Variants in ADAMTS19 observed in about 807,000 individuals in gnomAD.
ADAMTS19 encodes the protein A disintegrin and metalloproteinase with thrombospondin motifs 19.
ADAMTS19 carries 93 observed loss-of-function variants against 153.3 expected under a neutral mutation model. The observed-to-expected ratio is 0.61, with a 90% CI of 0.51 to 0.72. ADAMTS19 has a LOEUF of 0.72. Among genes scored for constraint, ADAMTS19 ranks in the 30% least tolerant of loss-of-function variants. The probability of loss-of-function intolerance (pLI) is 0.00; values close to 1 mark genes in which losing one functional copy is unlikely to be tolerated. For synonymous variants in ADAMTS19, 600 were observed against 556.6 expected, an observed-to-expected ratio of 1.08 and a Z score of -1.10; for missense variants, 1,482 against 1,552.1, an observed-to-expected ratio of 0.95 and a Z score of 0.76.
At chr5:129,503,934 C>A (rs1166278501) in intron 2 of ADAMTS19, among the ~76,000 whole-genome samples, 3 of 152,142 alleles carry the variant, frequency 2.0e-5, no homozygotes, top group Admixed American at 2.0e-4. Context: ...TAAGCAACTT[C>A]TCTTACCACT....
intron 11 of ADAMTS19, among the ~76,000 whole-genome samples, chr5:129,647,500 T>C (rs73785243): frequency 0.038 from 5,779 of 152,208 alleles, 341 homozygotes; most frequent in African/African-American, 0.13. Context: ...CTTTACCCTG[T>C]CTCCATCACA....
intron 3 of ADAMTS19, among the ~76,000 whole-genome samples, chr5:129,520,566 A>G (rs1347983615): frequency 6.6e-6 from 1 of 152,048 alleles, no homozygotes; most frequent in Non-Finnish European, 1.5e-5. Flanking sequence ...TTGAGGAAGA[A>G]TTTGTTTCCA....
intron 7 of ADAMTS19, among the ~76,000 whole-genome samples, chr5:129,562,740 A>G (rs893817603): frequency 1.3e-5 from 2 of 152,148 alleles, no homozygotes; most frequent in African/African-American, 4.8e-5. Flanking sequence ...TGCTGATTGA[A>G]TAAGTTTCCT....
chr5:129,608,626 T>C (rs1291320567), intron 8 of ADAMTS19, among the ~76,000 whole-genome samples: 2 of 152,020 alleles, frequency 1.3e-5, no homozygotes, highest in African/African-American at 4.8e-5. Flanking sequence ...AAGAACTAAA[T>C]AGAGACCAGT....
chr5:129,619,212 G>A (rs79101555), intron 8 of ADAMTS19, among the ~76,000 whole-genome samples: 1 of 152,038 alleles, frequency 6.6e-6, no homozygotes, highest in South Asian at 2.1e-4. Context: ...ATTTATAGAC[G>A]CCCAATGTGG....
intron 19 of ADAMTS19, among the ~76,000 whole-genome samples, chr5:129,699,697 C>T (rs1488711551): frequency 2.0e-5 from 3 of 151,960 alleles, no homozygotes; most frequent in Non-Finnish European, 4.4e-5. Context: ...GAGGAATGGG[C>T]GTGGGGCTGG....
At chr5:129,551,965 T>C (rs1753138380) in intron 7 of ADAMTS19, 58 bp downstream of exon 7, 1 of 1,121,202 alleles carries the variant, frequency 8.9e-7, no homozygotes, top group East Asian at 2.7e-5. Flanking sequence ...ATATCACTTG[T>C]TTAAGTATAG....
At chr5:129,578,528 G>T (rs1339914503) in intron 7 of ADAMTS19, among the ~76,000 whole-genome samples, 1 of 151,736 alleles carries the variant, frequency 6.6e-6, no homozygotes, top group Non-Finnish European at 1.5e-5. Context: ...CACGTGCCAG[G>T]GTGGTTTGCT....
rs576501891 is a variant in ADAMTS19 at position 129,598,238 on chromosome 5, G to A, written c.1478+1574G>A. 2.5e-3 allele frequency among the ~76,000 whole-genome samples: 374 copies of A among 152,254 alleles called. 2 individuals carry two copies. Among genetic ancestry groups the A allele is most frequent in the African/African-American group, 8.3e-3 (345 of 41,548 alleles). ...GGCAACCATTCCTAGGAGCTGTGTA[G>A]GATCTGTACCCTTTAAATTAGACCC... is the stretch of plus-strand genomic sequence containing the variant. On this transcript the variant is annotated intron_variant, in intron 8 of 22. Coordinates refer to ENST00000274487, the MANE Select transcript of ADAMTS19 (RefSeq NM_133638.6).
At chr5:129,565,105 ATTAC>A (rs149764389) in intron 7 of ADAMTS19, among the ~76,000 whole-genome samples, 12 of 152,328 alleles carry the variant, frequency 7.9e-5, no homozygotes, top group South Asian at 6.2e-4. Context: ...TAAATTTAAA[ATTAC>A]TTACTTCAGA....
chr5:129,526,681 G>T (rs1337750544), intron 4 of ADAMTS19, among the ~76,000 whole-genome samples: 2 of 151,514 alleles, frequency 1.3e-5, no homozygotes, highest in Non-Finnish European at 1.5e-5. Context: ...ATGTGGCAAA[G>T]CTCTTTCTAT....
chr5:129,678,193 C>A lies in ADAMTS19; in HGVS notation c.2507-1571C>A, dbSNP rs1754636604. Among the ~76,000 whole-genome samples, 3 of 152,146 alleles carry A rather than the reference C, an allele frequency of 2.0e-5. No homozygotes were observed. The South Asian group carries it at 6.2e-4, about 31-fold the overall frequency. On this transcript the variant is annotated intron_variant, in intron 16 of 22. Transcript: ENST00000274487. Reference sequence around the variant, plus strand: ...AGTCCTCATTTCTCCAGCCTCCCTTCATAATCTGCTTCAGCATGTTTGACT... The same window carrying A: ...AGTCCTCATTTCTCCAGCCTCCCTTAATAATCTGCTTCAGCATGTTTGACT...
intron 2 of ADAMTS19, among the ~76,000 whole-genome samples, chr5:129,462,923 A>G (rs1038737332): frequency 6.6e-6 from 1 of 152,214 alleles, no homozygotes; most frequent in South Asian, 2.1e-4. Flanking sequence ...AGAAAATATC[A>G]GCACAATCAA....
chr5:129,660,237 G>A (rs1753762945), intron 15 of ADAMTS19, among the ~76,000 whole-genome samples: 1 of 152,082 alleles, frequency 6.6e-6, no homozygotes, highest in Non-Finnish European at 1.5e-5. Context: ...GGTAAAAAAG[G>A]TGATAGGTCC....
Position 129,485,123 on chromosome 5 carries a change from A to G in ADAMTS19, c.747+23366A>G, listed in dbSNP as rs188220888. 2.2e-3 allele frequency among the ~76,000 whole-genome samples: 332 copies of G among 152,294 alleles called. 1 individual carries two copies. Among genetic ancestry groups the G allele is most frequent in the African/African-American group, 7.4e-3 (307 of 41,576 alleles). On this transcript the variant is annotated intron_variant, in intron 2 of 22. Transcript: ENST00000274487. ...CTGGGCCATTAAATTAGTCTCAACAAACTTGAAATAACTGAAAACACATTG... is the reference window on the plus strand; with the variant it reads ...CTGGGCCATTAAATTAGTCTCAACAGACTTGAAATAACTGAAAACACATTG...
chr5:129,726,975 A>G (rs950169893), intron 21 of ADAMTS19, among the ~76,000 whole-genome samples: 8 of 152,032 alleles, frequency 5.3e-5, no homozygotes, highest in African/African-American at 1.7e-4. Flanking sequence ...TTTGCTTACT[A>G]TTACATCCCA....
chr5:129,511,771 G>T (rs1751444922), intron 3 of ADAMTS19, among the ~76,000 whole-genome samples: 1 of 151,842 alleles, frequency 6.6e-6, no homozygotes, highest in East Asian at 1.9e-4. Context: ...CTATCTGTCT[G>T]TGATCTTGGG....
intron 6 of ADAMTS19, among the ~76,000 whole-genome samples, chr5:129,537,368 C>A (rs993923299): frequency 5.3e-5 from 8 of 152,090 alleles, no homozygotes; most frequent in Admixed American, 5.2e-4. Context: ...GTCGGTGTTG[C>A]GATTCCTCAG....
intron 21 of ADAMTS19, among the ~76,000 whole-genome samples, chr5:129,707,372 G>A (rs1362108944): frequency 1.3e-5 from 2 of 151,910 alleles, no homozygotes; most frequent in Non-Finnish European, 2.9e-5. Flanking sequence ...GTCTACTTTC[G>A]GACTTTATAT....
Sources: allele counts gnomAD v4.1 joint callset (sites outside exome capture counted in the v4.1 genomes callset), GRCh38; gene constraint gnomAD v4.1.1; transcripts MANE v1.5; gene names NCBI Gene and HGNC (gene_info 2026-07-23, HGNC 2026-07-21).